Variants in TPH1 observed in about 807,000 individuals in gnomAD.
TPH1 encodes the protein tryptophan 5-hydroxylase 1.
TPH1 carries 37 observed loss-of-function variants against 49.5 expected under a neutral mutation model. The ratio of observed to expected loss-of-function variants is 0.75; its 90% CI spans 0.58 to 0.98. TPH1 has a LOEUF of 0.98. Ranked by LOEUF, TPH1 falls within the 50% of genes least tolerant of loss-of-function variation. The pLI is 0.00. For synonymous variants in TPH1, 160 were observed against 182.1 expected, an observed-to-expected ratio of 0.88 and a Z score of 0.98; for missense variants, 487 against 523.6, an observed-to-expected ratio of 0.93 and a Z score of 0.68.
At chr11:18,033,252 TA>T (rs746782719) in intron 4 of TPH1, 21 bp downstream of exon 4, 355 of 1,523,416 alleles carry the variant, frequency 2.3e-4, no homozygotes, top group East Asian at 4.0e-4. Flanking sequence ...GACTTGCTCT[TA>T]AAAAAAAAGA....
At position 18,043,831 on chromosome 11, in the gene TPH1, A is replaced by G. The variant is rs142585939; in HGVS notation, c.-27+2410T>C. 9.0e-3 allele frequency among the ~76,000 whole-genome samples: 1,367 copies of G among 152,084 alleles called. 30 individuals carry two copies. The highest frequency in any genetic ancestry group is 0.031 in the African/African-American group (1,304 of 41,500). On this transcript the variant is annotated intron_variant, in intron 1 of 10. Coordinates refer to ENST00000682019, the MANE Select transcript of TPH1 (RefSeq NM_004179.3). ...CAGTGATCCATGATCGCGCCACTGC[A>G]GTCCAGCCTGGGTGACAGAGTGAAA...
intron 4 of TPH1, 73 bp downstream of exon 4, chr11:18,033,201 C>T (rs1021317034): frequency 2.5e-5 from 29 of 1,176,132 alleles, no homozygotes; most frequent in Non-Finnish European, 3.6e-5. Flanking sequence ...TGCAGTAAGC[C>T]GAGATCGTGC....
Position 18,040,732 on chromosome 11 carries a change from G to A in TPH1, c.31C>T (p.His11Tyr), listed in dbSNP as rs910048179. 1.9e-6 allele frequency: 3 copies of A among 1,611,866 alleles called. No homozygotes were observed. The Admixed American group carries it at 5.0e-5, about 27-fold the overall frequency. MIEDNKENKD[H>Y]SLERGRASLI... ...CTTGCTCTTCCCCTTTCTAAGGAAT[G>A]GTCTTTGTTCTCCTTATTGTCTTCA... The change falls in exon 2 of 11, where the codon CAT becomes TAT. Residue 11 changes from histidine (H) to tyrosine (Y), a missense_variant. His to Tyr is a moderately conservative substitution (Grantham distance 83). Transcript: ENST00000682019.
chr11:18,043,913 C>T (rs1280097715), intron 1 of TPH1, among the ~76,000 whole-genome samples: 4 of 151,784 alleles, frequency 2.6e-5, no homozygotes, highest in African/African-American at 9.7e-5. Context: ...AAACTGGTCC[C>T]TAAGCTTTCC....
At chr11:18,023,780 C>A (rs573478249) in intron 9 of TPH1, 108 bp downstream of exon 9, 1 of 772,700 alleles carries the variant, frequency 1.3e-6, no homozygotes, top group African/African-American at 1.7e-5. Context: ...TTAGTGACAT[C>A]CCCAAGTATG....
In TPH1 at chr11:18,022,948, C is replaced by A. The variant is rs979933254; in HGVS notation, c.1027-17G>T. ...AAGTGCATGCTAGAAGACAAAGAGT[C>A]AGTGAATCAAAGAATAATATCTATT... On this transcript the variant is annotated splice_polypyrimidine_tract_variant and intron_variant, in intron 9 of 10. Coordinates refer to ENST00000682019, the MANE Select transcript of TPH1 (RefSeq NM_004179.3). The A allele has an allele frequency of 7.4e-6, 12 of 1,612,414 alleles. No individual in the cohort carries two copies. The East Asian group carries it at 2.0e-4, about 27-fold the overall frequency.
chr11:18,026,393 C>CAAAAAAAAAAAA lies in TPH1; in HGVS notation c.803+85_803+96dup, dbSNP rs57335932. ...GCTAATTTATTTAATCCTCGCACACCAAAAAAAAAAAAAAAAAAAAAAAAG... is the reference window on the plus strand; with the variant it reads ...GCTAATTTATTTAATCCTCGCACACCAAAAAAAAAAAAAAAAAAAAAAAAAAAAAAAAAAAAG... On this transcript the variant is annotated intron_variant, in intron 7 of 10. Transcript: ENST00000682019. The CAAAAAAAAAAAA allele has an allele frequency of 3.6e-5, 21 of 588,756 alleles. 3 individuals carry two copies. Among genetic ancestry groups the CAAAAAAAAAAAA allele is most frequent in the East Asian group, 1.1e-4 (3 of 26,426 alleles). The allele number at this position is 588,756 out of a possible 1,614,324, so 36.5% of individuals were successfully genotyped here.
chr11:18,044,771 A>C (rs1351401737), intron 1 of TPH1, among the ~76,000 whole-genome samples: 1 of 125,410 alleles, frequency 8.0e-6, no homozygotes, highest in Admixed American at 7.7e-5. Flanking sequence ...AAAACAAAAC[A>C]AAACAAAAAA....
chr11:18,031,938 T>C (rs1431317665), intron 4 of TPH1, among the ~76,000 whole-genome samples: 1 of 152,210 alleles, frequency 6.6e-6, no homozygotes, highest in Non-Finnish European at 1.5e-5. Context: ...CATTTTATCT[T>C]GTGTGTGTTT....
rs756278555 is a variant in TPH1 at position 18,020,168 on chromosome 11, C to T, written c.*823G>A. 9 of 159,968 alleles carry T rather than the reference C, an allele frequency of 5.6e-5. No homozygotes were observed. Among genetic ancestry groups the T allele is most frequent in the Non-Finnish European group, 9.6e-5 (7 of 73,120 alleles). The allele number at this position is 159,968 out of a possible 1,614,324, so 9.9% of individuals were successfully genotyped here. A position where few individuals can be genotyped will look rare whatever the true frequency, so the allele number is the denominator to read the frequency against. On this transcript the variant is annotated 3_prime_UTR_variant, in exon 11 of 11. Coordinates refer to ENST00000682019, the MANE Select transcript of TPH1 (RefSeq NM_004179.3). ...GAGTACAGCCCCATGCAAGTCGCATCTCTACTAAGTTTCCCTTGGACCCAT... is the reference window on the plus strand; with the variant it reads ...GAGTACAGCCCCATGCAAGTCGCATTTCTACTAAGTTTCCCTTGGACCCAT...
At chr11:18,040,422 G>A (rs1848088825) in intron 2 of TPH1, among the ~76,000 whole-genome samples, 1 of 150,364 alleles carries the variant, frequency 6.7e-6, no homozygotes, top group South Asian at 2.1e-4. Flanking sequence ...AGAGTGCAGT[G>A]GTGTGATCAT....
rs1332887224 is a variant in TPH1 at position 18,022,950 on chromosome 11, G to C, written c.1027-19C>G. The C allele has an allele frequency of 2.5e-6, 4 of 1,612,244 alleles. No homozygotes were observed. The South Asian group carries it at 4.4e-5, about 18-fold the overall frequency. On this transcript the variant is annotated intron_variant, in intron 9 of 10. Transcript: ENST00000682019. ...GTGCATGCTAGAAGACAAAGAGTCA[G>C]TGAATCAAAGAATAATATCTATTTT...
At chr11:18,040,088 T>C (rs2134034963) in intron 2 of TPH1, among the ~76,000 whole-genome samples, 1 of 149,914 alleles carries the variant, frequency 6.7e-6, no homozygotes, top group Admixed American at 6.7e-5. Context: ...ATTAATAATA[T>C]ATGATTATAT....
intron 4 of TPH1, among the ~76,000 whole-genome samples, chr11:18,032,427 T>C (rs946209617): frequency 1.3e-5 from 2 of 151,732 alleles, no homozygotes; most frequent in African/African-American, 4.8e-5. Context: ...CTCTTAATAA[T>C]AGGAATGCTG....
At position 18,033,903 on chromosome 11, in the gene TPH1, C is replaced by T. The variant is rs202066154; in HGVS notation, c.302-529G>A. On this transcript the variant is annotated intron_variant, in intron 3 of 10. Coordinates refer to ENST00000682019, the MANE Select transcript of TPH1 (RefSeq NM_004179.3). Reference sequence around the variant, plus strand: ...ATAGCTATTCCACTCCCATTCCCTGCCCCACCCTACCCTTCTGTTTTCCTG... The same window carrying T: ...ATAGCTATTCCACTCCCATTCCCTGTCCCACCCTACCCTTCTGTTTTCCTG... Among the ~76,000 whole-genome samples, 5 of 152,294 alleles carry T rather than the reference C, an allele frequency of 3.3e-5. No individual in the cohort carries two copies. The East Asian group carries it at 9.6e-4, about 29-fold the overall frequency.
intron 1 of TPH1, among the ~76,000 whole-genome samples, chr11:18,043,308 T>C (rs1275017600): frequency 6.6e-6 from 1 of 152,192 alleles, no homozygotes; most frequent in Non-Finnish European, 1.5e-5. Context: ...AAACTCTTCA[T>C]ATAAAACTAT....
At chr11:18,045,482 C>CCCCCCCT (rs1296740991) in intron 1 of TPH1, among the ~76,000 whole-genome samples, 9 of 149,230 alleles carry the variant, frequency 6.0e-5, no homozygotes, top group African/African-American at 2.0e-4. Flanking sequence ...CCACCCCCCC[C>CCCCCCCT]TTTTTTTTTT....
chr11:18,033,747 C>T (rs1848015727), intron 3 of TPH1, among the ~76,000 whole-genome samples: 3 of 152,162 alleles, frequency 2.0e-5, no homozygotes, highest in Admixed American at 2.0e-4. Context: ...ATAAAAACTT[C>T]ATTTATTTTT....
In TPH1 at chr11:18,020,660, G is replaced by T. The variant is rs1002614503; in HGVS notation, c.*331C>A. 1.1e-5 allele frequency: 3 copies of T among 281,954 alleles called. No homozygotes were observed. The highest frequency in any genetic ancestry group is 6.6e-5 in the African/African-American group (3 of 45,592). 17.5% of individuals were successfully genotyped at this position (281,954 alleles called of 1,614,324 possible). On this transcript the variant is annotated 3_prime_UTR_variant, in exon 11 of 11. Coordinates refer to ENST00000682019, the MANE Select transcript of TPH1 (RefSeq NM_004179.3). The stretch of plus-strand genomic sequence containing the variant: ...GTCATTTTACTCAAGGAGGATTGGG[G>T]AAAATAGAGTTAGGCTGAGATTAGA...
Sources: gnomAD v4.1 joint callset for allele counts (sites outside exome capture counted in the v4.1 genomes callset) on GRCh38, gnomAD v4.1.1 for gene constraint, MANE v1.5 for transcripts, NCBI Gene and HGNC (gene_info 2026-07-23, HGNC 2026-07-21) for gene names.